Variants in CNTNAP5 observed in about 807,000 individuals in gnomAD.
CNTNAP5 encodes contactin-associated protein-like 5.
A neutral mutation model predicts 150.2 loss-of-function variants in CNTNAP5; 72 were observed. The ratio of observed to expected loss-of-function variants is 0.48; its 90% CI spans 0.40 to 0.58. The LOEUF (loss-of-function observed/expected upper bound fraction) is 0.58, where lower values mean the gene tolerates loss of function less well. Ranked by LOEUF, CNTNAP5 falls within the 20% of genes least tolerant of loss-of-function variation. The probability of loss-of-function intolerance (pLI) is 0.00; values close to 1 mark genes in which losing one functional copy is unlikely to be tolerated. For missense variants in CNTNAP5, 1,636 were observed against 1,626.2 expected (o/e 1.01, Z -0.10); for synonymous variants, 672 against 619.8 (o/e 1.08, Z -1.25).
intron 3 of CNTNAP5, among the ~76,000 whole-genome samples, chr2:124,352,490 CA>C (rs1689894848): frequency 6.6e-6 from 1 of 152,106 alleles, no homozygotes; most frequent in South Asian, 2.1e-4. Context: ...AGAGAAATAC[CA>C]AGTCTAGATG....
chr2:124,385,584 C>T (rs1263653040), intron 3 of CNTNAP5, among the ~76,000 whole-genome samples: 2 of 152,202 alleles, frequency 1.3e-5, no homozygotes, highest in African/African-American at 4.8e-5. Flanking sequence ...TTGCACAATG[C>T]TTGCTGCATA....
chr2:124,721,102 C>T (rs1359378920), intron 13 of CNTNAP5, among the ~76,000 whole-genome samples: 1 of 152,154 alleles, frequency 6.6e-6, no homozygotes, highest in African/African-American at 2.4e-5. Context: ...TTGCCTCTGT[C>T]CAGCTCCCTC....
intron 7 of CNTNAP5, among the ~76,000 whole-genome samples, chr2:124,481,266 T>C (rs1458084096): frequency 6.6e-6 from 1 of 152,188 alleles, no homozygotes; most frequent in Admixed American, 6.6e-5. Context: ...TGAAAGGCCT[T>C]ACCTCCTAAT....
chr2:124,294,383 G>A (rs571319647), intron 3 of CNTNAP5, among the ~76,000 whole-genome samples: 1 of 152,084 alleles, frequency 6.6e-6, no homozygotes, highest in East Asian at 1.9e-4. Context: ...CCTCAGGCTG[G>A]AGTTCAATGT....
chr2:124,874,381 T>G (rs918878120), intron 21 of CNTNAP5, among the ~76,000 whole-genome samples: 1 of 152,108 alleles, frequency 6.6e-6, no homozygotes, highest in African/African-American at 2.4e-5. Context: ...TGCCTCAGAT[T>G]CAAACATAGT....
chr2:124,572,534 G>A (rs1450076991), intron 11 of CNTNAP5, among the ~76,000 whole-genome samples: 3 of 152,208 alleles, frequency 2.0e-5, no homozygotes, highest in Admixed American at 1.3e-4. Context: ...GACTTGGGGA[G>A]TCAGATAGGT....
chr2:124,585,995 T>C (rs1278494895), intron 11 of CNTNAP5, among the ~76,000 whole-genome samples: 1 of 152,126 alleles, frequency 6.6e-6, no homozygotes, highest in Non-Finnish European at 1.5e-5. Flanking sequence ...ACACAGGATA[T>C]GGATCTGCTT....
rs1297523793 is a variant in CNTNAP5, at chr2:124,459,779, A to AT, written c.918+12842_918+12843insT. Among the ~76,000 whole-genome samples, 4 of 150,452 alleles carry AT rather than the reference A, an allele frequency of 2.7e-5. No homozygotes were observed. In the East Asian group the frequency reaches 7.8e-4, roughly 29 times the overall value. The stretch of plus-strand genomic sequence containing the variant: ...TCTGTAAAAAAAAAAAAAAAAAAAA[A>AT]AGGAATTGTGTTCTTAGCAATGGGA... On this transcript the variant is annotated intron_variant, in intron 6 of 23. Coordinates refer to ENST00000682447, the MANE Select transcript of CNTNAP5 (RefSeq NM_001367498.1).
chr2:124,627,086 C>T (rs1423408109), intron 12 of CNTNAP5, among the ~76,000 whole-genome samples: 4 of 152,200 alleles, frequency 2.6e-5, no homozygotes, highest in African/African-American at 9.7e-5. Context: ...GCTCTCACCT[C>T]CCTGAGACCC....
At chr2:124,789,285 A>G (rs1020250391) in intron 17 of CNTNAP5, among the ~76,000 whole-genome samples, 2 of 152,174 alleles carry the variant, frequency 1.3e-5, no homozygotes, top group Non-Finnish European at 2.9e-5. Flanking sequence ...GGCCATCTGA[A>G]GTTTTACTCT....
chr2:124,899,985 G>T (rs1678382252), intron 21 of CNTNAP5, among the ~76,000 whole-genome samples: 1 of 150,710 alleles, frequency 6.6e-6, no homozygotes, highest in African/African-American at 2.5e-5. Context: ...TATTTTGGAG[G>T]GTTTTTTTTT....
chr2:124,370,620 T>A (rs747700714), intron 3 of CNTNAP5, among the ~76,000 whole-genome samples: 13 of 152,098 alleles, frequency 8.5e-5, no homozygotes, highest in Admixed American at 2.0e-4. Flanking sequence ...AGGGAAATAA[T>A]GAATACGAAG....
chr2:124,410,996 G>GA (rs1344337796), intron 3 of CNTNAP5, among the ~76,000 whole-genome samples: 1 of 151,638 alleles, frequency 6.6e-6, no homozygotes, highest in African/African-American at 2.4e-5. Context: ...GACTAATAAA[G>GA]AAAAAAAGAG....
At chr2:124,659,599 A>T (rs1338429992) in intron 13 of CNTNAP5, among the ~76,000 whole-genome samples, 1 of 152,198 alleles carries the variant, frequency 6.6e-6, no homozygotes, top group Non-Finnish European at 1.5e-5. Context: ...AATAGCTAAC[A>T]TATTGACCTC....
intron 13 of CNTNAP5, among the ~76,000 whole-genome samples, chr2:124,700,977 CAT>C (rs1679507625): frequency 6.6e-6 from 1 of 152,038 alleles, no homozygotes; most frequent in African/African-American, 2.4e-5. Context: ...TATCATCTCA[CAT>C]AGTTACGCAT....
At chr2:124,292,830 G>A (rs1688333884) in intron 3 of CNTNAP5, among the ~76,000 whole-genome samples, 1 of 151,916 alleles carries the variant, frequency 6.6e-6, no homozygotes, top group South Asian at 2.1e-4. Flanking sequence ...AAATAATATC[G>A]TGGTCTACAA....
At chr2:124,366,831 G>C (rs1690384648) in intron 3 of CNTNAP5, among the ~76,000 whole-genome samples, 2 of 152,078 alleles carry the variant, frequency 1.3e-5, no homozygotes, top group African/African-American at 4.8e-5. Context: ...CCTACACATG[G>C]GCCAGTCTTA....
intron 5 of CNTNAP5, among the ~76,000 whole-genome samples, chr2:124,443,320 A>T (rs2104802890): frequency 6.6e-6 from 1 of 150,782 alleles, no homozygotes; most frequent in East Asian, 1.9e-4. Context: ...TAGAGCATGG[A>T]ATACTATGCA....
At chr2:124,175,053 G>C (rs1035888024) in intron 1 of CNTNAP5, among the ~76,000 whole-genome samples, 1 of 152,126 alleles carries the variant, frequency 6.6e-6, no homozygotes, top group East Asian at 1.9e-4. Flanking sequence ...ATAATGTTAT[G>C]CACACTTAAT....
Sources: gnomAD v4.1 joint callset for allele counts (sites outside exome capture counted in the v4.1 genomes callset) on GRCh38, gnomAD v4.1.1 for gene constraint, MANE v1.5 for transcripts, NCBI Gene and HGNC (gene_info 2026-07-23, HGNC 2026-07-21) for gene names.